CDH12: variants seen among roughly 807,000 people sequenced by gnomAD.
CDH12 encodes the protein cadherin 12, also known as cadherin-12.
Under a neutral mutation model 74.1 loss-of-function variants are expected in CDH12, and 41 were observed. That is an observed-to-expected ratio of 0.55 (90% CI 0.43 to 0.72). CDH12 has a LOEUF of 0.72. Ranked by LOEUF, CDH12 falls within the 30% of genes least tolerant of loss-of-function variation. The pLI, the probability that CDH12 is intolerant of heterozygous loss-of-function variation, is 0.00. For missense variants in CDH12, 945 were observed against 977.2 expected, an observed-to-expected ratio of 0.97 and a Z score of 0.44; for synonymous variants, 399 against 355.0, an observed-to-expected ratio of 1.12 and a Z score of -1.39.
At chr5:22,507,241 A>C (rs1736426843) in intron 1 of CDH12, among the ~76,000 whole-genome samples, 1 of 152,142 alleles carries the variant, frequency 6.6e-6, no homozygotes, top group Admixed American at 6.6e-5. Flanking sequence ...ATAAGATCTA[A>C]TATATTTTCT....
In CDH12 at chr5:22,556,004, A is replaced by T. The variant is rs186939154; in HGVS notation, c.-522-50640T>A. Among the ~76,000 whole-genome samples, 351 of 152,130 alleles carry T rather than the reference A, an allele frequency of 2.3e-3. 1 individual carries two copies. Among genetic ancestry groups the T allele is most frequent in the Admixed American group, 5.8e-3 (89 of 15,246 alleles). On this transcript the variant is annotated intron_variant, in intron 1 of 14. Transcript: ENST00000382254. ...GTGTTTGGTAGACTTTTATGTATCA[A>T]ACCGTAACAGAGAAACACAATCAGC...
intron 1 of CDH12, among the ~76,000 whole-genome samples, chr5:22,777,128 C>T (rs1747143649): frequency 6.6e-6 from 1 of 151,928 alleles, no homozygotes; most frequent in Admixed American, 6.6e-5. Context: ...TAGCTATGAG[C>T]TACCCCACTA....
chr5:21,882,889 A>G, intron 6 of CDH12: 1 of 1,603,378 alleles, frequency 6.2e-7, no homozygotes, highest in Non-Finnish European at 8.5e-7. Flanking sequence ...CTTGTTCAAG[A>G]TGTTGCCAAT....
intron 5 of CDH12, among the ~76,000 whole-genome samples, chr5:22,002,041 T>G (rs1395320321): frequency 7.9e-5 from 12 of 152,128 alleles, no homozygotes; most frequent in Non-Finnish European, 1.0e-4. Context: ...CATGCAGCAG[T>G]GTTTATACTT....
chr5:22,788,661 TATA>T (rs147075054), intron 1 of CDH12, among the ~76,000 whole-genome samples: 7,609 of 148,356 alleles, frequency 0.051, 284 homozygotes, highest in South Asian at 0.11. Context: ...TGTGTAAATT[TATA>T]ATATAAAATA....
At chr5:21,975,453 G>A in intron 5 of CDH12, 68 bp from the exon 6 acceptor site, 1 of 1,099,290 alleles carries the variant, frequency 9.1e-7, no homozygotes, top group Non-Finnish European at 1.3e-6. Context: ...CCATTAAAAG[G>A]ATGTGCCAAA....
At chr5:22,072,544 G>GTGTGTA (rs1742018871) in intron 5 of CDH12, among the ~76,000 whole-genome samples, 1 of 149,708 alleles carries the variant, frequency 6.7e-6, no homozygotes, top group Non-Finnish European at 1.5e-5. Flanking sequence ...GTGTGTGTGT[G>GTGTGTA]TGTGTGTGTG....
At position 22,579,602 on chromosome 5, in the gene CDH12, C is replaced by T. The variant is rs909287963; in HGVS notation, c.-522-74238G>A. 3.3e-5 allele frequency among the ~76,000 whole-genome samples: 5 copies of T among 151,966 alleles called. No individual in the cohort carries two copies. The East Asian group carries it at 9.7e-4, about 29-fold the overall frequency. On this transcript the variant is annotated intron_variant, in intron 1 of 14. Coordinates refer to ENST00000382254, the MANE Select transcript of CDH12 (RefSeq NM_004061.5). ...GACATGATTGGAAGTTTAAACTGAA[C>T]ATACCCTAATTTTCTTTTCTTTTCT...
chr5:21,768,344 G>A (rs758505658), intron 11 of CDH12, among the ~76,000 whole-genome samples: 50 of 151,456 alleles, frequency 3.3e-4, no homozygotes, highest in Non-Finnish European at 5.3e-4. Flanking sequence ...CAATAATATC[G>A]GAGTCAGATC....
At chr5:22,682,347 T>C (rs930679410) in intron 1 of CDH12, among the ~76,000 whole-genome samples, 1 of 152,090 alleles carries the variant, frequency 6.6e-6, no homozygotes, top group Admixed American at 6.6e-5. Context: ...AGTAAAACTT[T>C]TAAAAAGCAT....
chr5:22,811,008 T>C (rs1749114891), intron 1 of CDH12, among the ~76,000 whole-genome samples: 1 of 150,526 alleles, frequency 6.6e-6, no homozygotes, highest in Non-Finnish European at 1.5e-5. Flanking sequence ...CATATAGACA[T>C]ACACATATAT....
intron 5 of CDH12, among the ~76,000 whole-genome samples, chr5:22,028,478 G>A (rs1366873881): frequency 6.6e-6 from 1 of 152,150 alleles, no homozygotes; most frequent in African/African-American, 2.4e-5. Context: ...CGGACAAACA[G>A]AGAGCCAAAT....
intron 5 of CDH12, among the ~76,000 whole-genome samples, chr5:22,049,971 T>C (rs1319151513): frequency 6.6e-6 from 1 of 152,134 alleles, no homozygotes; most frequent in African/African-American, 2.4e-5. Flanking sequence ...TCCCATTTTC[T>C]ACAGAACAAA....
intron 4 of CDH12, among the ~76,000 whole-genome samples, chr5:22,157,497 T>G (rs564051493): frequency 6.6e-6 from 1 of 152,102 alleles, no homozygotes; most frequent in East Asian, 1.9e-4. Flanking sequence ...CAAAGTCATT[T>G]GCAAATATGA....
At chr5:22,195,024 G>A (rs181703124) in intron 4 of CDH12, among the ~76,000 whole-genome samples, 129 of 152,328 alleles carry the variant, frequency 8.5e-4, no homozygotes, top group Non-Finnish European at 1.4e-3. Context: ...GGTGTCAGTT[G>A]ATGAAAATAG....
intron 1 of CDH12, among the ~76,000 whole-genome samples, chr5:22,746,791 G>T (rs1463286203): frequency 6.6e-6 from 1 of 152,102 alleles, no homozygotes; most frequent in East Asian, 1.9e-4. Flanking sequence ...AAATTCCATG[G>T]TAAGCTTAAA....
intron 1 of CDH12, among the ~76,000 whole-genome samples, chr5:22,754,307 A>G (rs1745764937): frequency 6.6e-6 from 1 of 152,200 alleles, no homozygotes; most frequent in African/African-American, 2.4e-5. Flanking sequence ...ACAAAAAATT[A>G]TAGGAGCCTG....
chr5:21,903,339 T>C (rs1561287120), intron 6 of CDH12, among the ~76,000 whole-genome samples: 1 of 152,082 alleles, frequency 6.6e-6, no homozygotes, highest in South Asian at 2.1e-4. Flanking sequence ...GTGAAAATAG[T>C]GCTAAAGAAG....
At chr5:22,292,329 TTTTTGG>T in intron 3 of CDH12, among the ~76,000 whole-genome samples, 6 of 100,784 alleles carry the variant, frequency 6.0e-5, no homozygotes, top group African/African-American at 2.5e-4. Flanking sequence ...CTTTTTGGGG[TTTTTGG>T]TTTTTGTTTT....
Sources: allele counts gnomAD v4.1 joint callset (sites outside exome capture counted in the v4.1 genomes callset), GRCh38; gene constraint gnomAD v4.1.1; transcripts MANE v1.5; gene names NCBI Gene and HGNC (gene_info 2026-07-23, HGNC 2026-07-21).